Variants in ABL2 observed in about 807,000 individuals in gnomAD.
The protein encoded by ABL2 is tyrosine-protein kinase ABL2.
A neutral mutation model predicts 107.7 loss-of-function variants in ABL2; 49 were observed. That is an observed-to-expected ratio of 0.45 (90% CI 0.36 to 0.58). The LOEUF is 0.58. Ranked by LOEUF, ABL2 falls within the 20% of genes least tolerant of loss-of-function variation. The pLI is 0.00. For synonymous variants in ABL2, 549 were observed against 548.6 expected (o/e 1.00, Z -0.01); for missense variants, 1,245 against 1,457.0 (o/e 0.85, Z 2.37).
Position 179,117,361 on chromosome 1 carries a change from T to C in ABL2, c.1379A>G (p.Asn460Ser), listed in dbSNP as rs993795806. Residue 460 changes from asparagine to serine, a missense_variant, in exon 8 of 12, where the codon AAT becomes AGT. Transcript: ENST00000502732. The part of the protein sequence containing the change: ...KWTAPESLAY[N>S]TFSIKSDVWA... ...GACGTCAGATTTAATTGAGAAGGTA[T>C]TGTAGGCAAGACTCTCTGGTGCTGT... 6.8e-6 allele frequency: 11 copies of C among 1,614,022 alleles called. No homozygotes were observed. Among genetic ancestry groups the C allele is most frequent in the Admixed American group, 1.7e-5 (1 of 60,004 alleles).
intron 1 of ABL2, among the ~76,000 whole-genome samples, chr1:179,181,946 A>ATTTTTTTTTTTTTTTTTTT (rs34828452): frequency 8.8e-5 from 8 of 91,208 alleles, no homozygotes; most frequent in Admixed American, 1.5e-4. Context: ...AGGCCCGGCT[A>ATTTTTTTTTTTTTTTTTTT]TTTTTTTTTT....
At chr1:179,205,383 A>G (rs1410018314) in intron 1 of ABL2, among the ~76,000 whole-genome samples, 1 of 152,036 alleles carries the variant, frequency 6.6e-6, no homozygotes, top group African/African-American at 2.4e-5. Flanking sequence ...ACAAAACTAC[A>G]CTTTCTCCAT....
intron 1 of ABL2, among the ~76,000 whole-genome samples, chr1:179,185,027 G>A (rs1660603532): frequency 6.6e-6 from 1 of 152,180 alleles, no homozygotes; most frequent in Admixed American, 6.5e-5. Flanking sequence ...CTAGGCCCCT[G>A]TGTAGTAGTA....
At chr1:179,158,198 T>C (rs1379667238) in intron 1 of ABL2, among the ~76,000 whole-genome samples, 1 of 152,200 alleles carries the variant, frequency 6.6e-6, no homozygotes, top group East Asian at 1.9e-4. Context: ...AGAAAAGCAA[T>C]GAAATACTAA....
intron 1 of ABL2, among the ~76,000 whole-genome samples, chr1:179,219,866 C>G (rs1420209179): frequency 1.3e-5 from 2 of 152,228 alleles, no homozygotes; most frequent in African/African-American, 4.8e-5. Context: ...CTTAGGTTTA[C>G]AAAACATTTT....
At chr1:179,206,586 G>GA (rs1043139493) in intron 1 of ABL2, among the ~76,000 whole-genome samples, 1 of 149,940 alleles carries the variant, frequency 6.7e-6, no homozygotes, top group Non-Finnish European at 1.5e-5. Context: ...CATCTAGGGG[G>GA]AAAAAAAAAG....
chr1:179,201,775 T>C (rs924930735), intron 1 of ABL2: 2 of 875,346 alleles, frequency 2.3e-6, no homozygotes, highest in Non-Finnish European at 3.6e-6. Flanking sequence ...GAAAATTATA[T>C]CCACAGAATC....
chr1:179,211,918 G>C (rs185220207), intron 1 of ABL2, among the ~76,000 whole-genome samples: 11 of 152,252 alleles, frequency 7.2e-5, no homozygotes, highest in African/African-American at 2.2e-4. Flanking sequence ...ATCTCTGAGT[G>C]TACAATGAGG....
rs537117971 is a variant in ABL2 at position 179,127,685 on chromosome 1, TCA to T, written c.392-1015_392-1014del. On this transcript the variant is annotated intron_variant, in intron 3 of 11. Transcript: ENST00000502732. ...AGAGATGCAAGTCTTCCTACAGCAT[TCA>T]CATCTACTTCTTCAGTGTCAAAAAG... 6.4e-4 allele frequency among the ~76,000 whole-genome samples: 98 copies of T among 152,288 alleles called. No individual in the cohort carries two copies. In the South Asian group the frequency reaches 0.019, roughly 30 times the overall value.
intron 1 of ABL2, among the ~76,000 whole-genome samples, chr1:179,203,340 A>C (rs1661776377): frequency 6.6e-6 from 1 of 152,164 alleles, no homozygotes; most frequent in Admixed American, 6.5e-5. Flanking sequence ...AGTGATCAAA[A>C]TAAATAAAAT....
Position 179,135,452 on chromosome 1 carries a change from T to C in ABL2, c.158-2078A>G, listed in dbSNP as rs1414313351. ...CTGAGAAGTGAGGAGACCCTCCGCC[T>C]GGCAACCGCCCCGTCTGAGAAGTGA... is the stretch of plus-strand genomic sequence containing the variant. On this transcript the variant is annotated intron_variant, in intron 1 of 11. Coordinates refer to ENST00000502732, the MANE Select transcript of ABL2 (RefSeq NM_007314.4). Among the ~76,000 whole-genome samples, 25 of 140,302 alleles carry C rather than the reference T, an allele frequency of 1.8e-4. No homozygotes were observed. The East Asian group carries it at 4.4e-3, about 25-fold the overall frequency. The allele number at this position is 140,302 out of a possible 152,430, so 92.0% of individuals were successfully genotyped here.
At chr1:179,116,424 G>A (rs192956649) in intron 8 of ABL2, among the ~76,000 whole-genome samples, 1 of 152,112 alleles carries the variant, frequency 6.6e-6, no homozygotes, top group African/African-American at 2.4e-5. Context: ...TTTACAGAGG[G>A]AGGATCATTA....
chr1:179,148,706 C>T (rs1210635582), intron 1 of ABL2, among the ~76,000 whole-genome samples: 2 of 152,054 alleles, frequency 1.3e-5, no homozygotes, highest in African/African-American at 4.8e-5. Context: ...TCGAGACCAG[C>T]CTCGCCAACA....
chr1:179,116,464 G>A (rs1654636553), intron 8 of ABL2, among the ~76,000 whole-genome samples: 1 of 152,074 alleles, frequency 6.6e-6, no homozygotes, highest in African/African-American at 2.4e-5. Flanking sequence ...GATCTAGACT[G>A]TGAGCTCTCT....
chr1:179,144,824 C>G (rs1657878418), intron 1 of ABL2, among the ~76,000 whole-genome samples: 1 of 152,028 alleles, frequency 6.6e-6, no homozygotes, highest in African/African-American at 2.4e-5. Context: ...ATTTCAAATA[C>G]CAGATTGAAT....
At position 179,099,519 on chromosome 1, in the gene ABL2, A is replaced by G. The variant is rs1652923826; in HGVS notation, c.*8199T>C. 2 of 224,488 alleles carry G rather than the reference A, an allele frequency of 8.9e-6. No homozygotes were observed. The highest frequency in any genetic ancestry group is 6.4e-5 in the East Asian group (1 of 15,516). 13.9% of individuals were successfully genotyped at this position (224,488 alleles called of 1,614,324 possible). ...GAAAAACAACTGAAAATATATTACAATAACAATTAAGAACAAATACCTGAC... is the reference window on the plus strand; with the variant it reads ...GAAAAACAACTGAAAATATATTACAGTAACAATTAAGAACAAATACCTGAC... On this transcript the variant is annotated 3_prime_UTR_variant, in exon 12 of 12. Coordinates refer to ENST00000502732, the MANE Select transcript of ABL2 (RefSeq NM_007314.4).
rs71874448 is a variant in ABL2 at position 179,196,786 on chromosome 1, C to CA, written c.157+32454dup. Among the ~76,000 whole-genome samples the CA allele has an allele frequency of 5.9e-3, 789 of 133,804 alleles. 26 individuals are homozygous for CA. The East Asian group carries it at 0.12, about 21-fold the overall frequency. The allele number at this position is 133,804 out of a possible 152,430, so 87.8% of individuals were successfully genotyped here. ...TAAAAAACAAACAAACAAAAAAAAA[C>CA]AAAAAAAAAAACCCCACTGACCTGT... On this transcript the variant is annotated intron_variant, in intron 1 of 11. Coordinates refer to ENST00000502732, the MANE Select transcript of ABL2 (RefSeq NM_007314.4).
At chr1:179,180,118 T>A (rs1167941129) in intron 1 of ABL2, among the ~76,000 whole-genome samples, 2 of 150,522 alleles carry the variant, frequency 1.3e-5, no homozygotes, top group African/African-American at 4.9e-5. Context: ...AGACCCTGTC[T>A]TAAAAAAACA....
intron 1 of ABL2, among the ~76,000 whole-genome samples, chr1:179,215,979 G>C (rs1662542396): frequency 6.6e-6 from 1 of 152,142 alleles, no homozygotes; most frequent in Non-Finnish European, 1.5e-5. Context: ...TACATATTAT[G>C]TATTATACTA....
Sources: allele counts gnomAD v4.1 joint callset (sites outside exome capture counted in the v4.1 genomes callset), GRCh38; gene constraint gnomAD v4.1.1; transcripts MANE v1.5; gene names NCBI Gene and HGNC (gene_info 2026-07-23, HGNC 2026-07-21).